MUC12: variants seen among roughly 807,000 people sequenced by gnomAD.
MUC12 encodes the protein mucin 12, cell surface associated.
MUC12 carries 172 observed loss-of-function variants against 230.8 expected under a neutral mutation model. The ratio of observed to expected loss-of-function variants is 0.75; its 90% CI spans 0.66 to 0.85. The LOEUF is 0.85. Among genes scored for constraint, MUC12 ranks in the 40% least tolerant of loss-of-function variants. The probability of loss-of-function intolerance (pLI) is 0.00; values close to 1 mark genes in which losing one functional copy is unlikely to be tolerated. For synonymous variants in MUC12, 1,259 were observed against 2,401.9 expected, an observed-to-expected ratio of 0.52 and a Z score of 13.91; for missense variants, 3,506 against 5,920.6, an observed-to-expected ratio of 0.59 and a Z score of 13.38.
chr7:100,970,589 A>T (rs1394645702), intron 1 of MUC12, among the ~76,000 whole-genome samples: 1 of 152,054 alleles, frequency 6.6e-6, no homozygotes, highest in Non-Finnish European at 1.5e-5. Flanking sequence ...AAAAGAAAAA[A>T]TGGCTGCCAG....
chr7:100,978,384 G>T (rs1793062293), intron 1 of MUC12, among the ~76,000 whole-genome samples: 1 of 152,140 alleles, frequency 6.6e-6, no homozygotes, highest in Non-Finnish European at 1.5e-5. Context: ...TAGAACTGGG[G>T]GACCCCAGCT....
chr7:100,989,251 G>A (rs1315388507), intron 1 of MUC12, among the ~76,000 whole-genome samples: 1 of 151,880 alleles, frequency 6.6e-6, no homozygotes, highest in African/African-American at 2.4e-5. Context: ...TGGGATTACA[G>A]GTGCCTGCCA....
intron 1 of MUC12, among the ~76,000 whole-genome samples, chr7:100,979,746 A>G (rs1319812048): frequency 6.6e-6 from 1 of 152,116 alleles, no homozygotes; most frequent in African/African-American, 2.4e-5. Flanking sequence ...ACTGCGCTCC[A>G]GCCTGGGTAA....
Position 100,969,588 on chromosome 7 carries a change from A to C in MUC12, c.-35A>C. 6.5e-7 allele frequency: 1 copy of C among 1,536,448 alleles called. No homozygotes were observed. The highest frequency in any genetic ancestry group is 8.7e-7 in the Non-Finnish European group (1 of 1,146,104). ...TCATTTCTTGGTCCCTCCTGATGAGAGAAGATGGGCAGCCAGGGGCCCGTT... is the reference window on the plus strand; with the variant it reads ...TCATTTCTTGGTCCCTCCTGATGAGCGAAGATGGGCAGCCAGGGGCCCGTT... On this transcript the variant is annotated 5_prime_UTR_variant, in exon 1 of 12. Coordinates refer to ENST00000536621, the MANE Select transcript of MUC12 (RefSeq NM_001164462.2).
At chr7:101,012,000 C>T (rs1009656604) in intron 5 of MUC12, among the ~76,000 whole-genome samples, 7 of 152,196 alleles carry the variant, frequency 4.6e-5, no homozygotes, top group African/African-American at 1.2e-4. Flanking sequence ...TTTACTTTCG[C>T]ATCAACAGGA....
At chr7:101,015,335 G>A (rs1008987195) in intron 9 of MUC12, 2 of 444,108 alleles carry the variant, frequency 4.5e-6, no homozygotes, top group African/African-American at 2.0e-5. Context: ...CTGACCCGAA[G>A]TCAGCAACTG....
intron 9 of MUC12, chr7:101,015,411 G>A: frequency 1.7e-6 from 1 of 578,138 alleles, no homozygotes; most frequent in South Asian, 2.0e-5. Flanking sequence ...GGGAGTGAGG[G>A]GCAGCCAGGA....
rs1317796448 is a variant in MUC12 at position 101,001,261 on chromosome 7, C to A, written c.10698C>A (p.Thr3566=). The change falls in exon 2 of 12, where the codon ACC becomes ACA. Residue 3566 remains threonine, a synonymous_variant. Transcript: ENST00000536621. ...STDTALSPGS[T]TALSFGQEST... is the part of the protein sequence containing the mutation. Reference sequence around the variant, plus strand: ...ACACAGCACTGTCCCCTGGCAGTACCACAGCCTTATCCTTTGGTCAAGAAT... The same window carrying A: ...ACACAGCACTGTCCCCTGGCAGTACAACAGCCTTATCCTTTGGTCAAGAAT... 1 of 1,524,684 alleles carries A rather than the reference C, an allele frequency of 6.6e-7. No homozygotes were observed. The highest frequency in any genetic ancestry group is 1.4e-5 in the African/African-American group (1 of 72,708). 94.4% of individuals were successfully genotyped at this position (1,524,684 alleles called of 1,614,324 possible).
intron 1 of MUC12, among the ~76,000 whole-genome samples, chr7:100,976,153 C>T (rs1466910372): frequency 1.6e-5 from 1 of 61,580 alleles, no homozygotes; most frequent in Non-Finnish European, 3.5e-5. Flanking sequence ...TGGTGTGTCT[C>T]TGTAGTCCCA....
Position 100,987,211 on chromosome 7 carries a change from C to T in MUC12, c.68-3420C>T, listed in dbSNP as rs144434493. On this transcript the variant is annotated intron_variant, in intron 1 of 11. Coordinates refer to ENST00000536621, the MANE Select transcript of MUC12 (RefSeq NM_001164462.2). ...CCTCCCAAGTAGCTGGGATTACAGG[C>T]GCATGCTACCATGCCTGGCTAATTT... Among the ~76,000 whole-genome samples the T allele has an allele frequency of 3.2e-3, 487 of 151,978 alleles. 1 individual carries two copies. The highest frequency in any genetic ancestry group is 0.011 in the African/African-American group (456 of 41,432).
At chr7:100,978,507 C>G (rs1489970673) in intron 1 of MUC12, among the ~76,000 whole-genome samples, 1 of 152,164 alleles carries the variant, frequency 6.6e-6, no homozygotes. Flanking sequence ...GAGAGGTTCG[C>G]TGGATTGCAC....
At chr7:101,007,157 C>T (rs1206897407) in intron 3 of MUC12, among the ~76,000 whole-genome samples, 3 of 152,106 alleles carry the variant, frequency 2.0e-5, no homozygotes, top group South Asian at 2.1e-4. Flanking sequence ...CGGAGTTTCA[C>T]CATATTGGCC....
At chr7:100,989,918 C>T (rs113949306) in intron 1 of MUC12, among the ~76,000 whole-genome samples, 158 of 152,244 alleles carry the variant, frequency 1.0e-3, no homozygotes, top group Non-Finnish European at 2.0e-3. Context: ...GTCTCAAACT[C>T]CTGATCTCAA....
chr7:101,012,731 A>G lies in MUC12; in HGVS notation c.15404-88A>G. The stretch of plus-strand genomic sequence containing the variant: ...CACGGGCATTGGCCCAGGGGAGGGC[A>G]TGGTATAGAAGAGAGAGGCCTGGCT... On this transcript the variant is annotated intron_variant, in intron 6 of 11. Coordinates refer to ENST00000536621, the MANE Select transcript of MUC12 (RefSeq NM_001164462.2). 2.1e-6 allele frequency: 3 copies of G among 1,399,084 alleles called. 1 individual carries two copies. In the South Asian group the frequency reaches 3.7e-5, roughly 17 times the overall value. 86.7% of individuals were successfully genotyped at this position (1,399,084 alleles called of 1,614,324 possible). A position where few individuals can be genotyped will look rare whatever the true frequency, so the allele number is the denominator to read the frequency against.
chr7:100,992,425 C>T lies in MUC12; in HGVS notation c.1862C>T (p.Pro621Leu), dbSNP rs745346159. Residue 621 changes from proline (P) to leucine (L), a missense_variant, in exon 2 of 12, where the codon CCT (proline) becomes CTT (leucine). By Grantham distance (98) the Pro-to-Leu change is moderately conservative (BLOSUM62 -3). Transcript: ENST00000536621. ...STRSPHTTLS[P>L]AGSTTRQGES... Reference sequence around the variant, plus strand: ...AGATCGCCACACACAACACTGTCCCCTGCCGGCTCTACAACCCGTCAGGGA... The same window carrying T: ...AGATCGCCACACACAACACTGTCCCTTGCCGGCTCTACAACCCGTCAGGGA... 3 of 1,537,988 alleles carry T rather than the reference C, an allele frequency of 2.0e-6. No individual in the cohort carries two copies. The highest frequency in any genetic ancestry group is 3.3e-4 in the Middle Eastern group (2 of 5,996).
In MUC12 at chr7:100,995,438, A is replaced by G. The variant is rs573142089; in HGVS notation, c.4875A>G (p.Ala1625=). Residue 1625 remains alanine, a synonymous_variant, in exon 2 of 12, where the codon GCA becomes GCG. Transcript: ENST00000536621. ...CATTGTCCCCTGGCAGTACCACAGC[A>G]TCATCCCTTGGTCCAGAATCTACTA... The part of the protein sequence containing the change: ...DTTLSPGSTT[A]SSLGPESTTF... The G allele has an allele frequency of 9.4e-4, 1,444 of 1,533,356 alleles. 35 individuals carry two copies. The South Asian group carries it at 0.016, about 17-fold the overall frequency. The allele number at this position is 1,533,356 out of a possible 1,614,324, so 95.0% of individuals were successfully genotyped here. A position where few individuals can be genotyped will look rare whatever the true frequency, so the allele number is the denominator to read the frequency against.
intron 1 of MUC12, among the ~76,000 whole-genome samples, chr7:100,985,711 G>A (rs1793176889): frequency 6.6e-6 from 1 of 152,194 alleles, no homozygotes; most frequent in African/African-American, 2.4e-5. Context: ...CAGAAAGGCA[G>A]GGTGGCTGAG....
At position 101,017,430 on chromosome 7, in the gene MUC12, G is replaced by T. The variant is rs184367396; in HGVS notation, c.15878-145G>T. 5.2e-4 allele frequency: 313 copies of T among 605,950 alleles called. No individual in the cohort carries two copies. In the African/African-American group the frequency reaches 5.3e-3, roughly 10 times the overall value. The allele number at this position is 605,950 out of a possible 1,614,324, so 37.5% of individuals were successfully genotyped here. ...CTGCACTTACCCGCAGCCCAGTGATGCAGGGTCGGAGGGGTGGTCGGCAGT... is the reference window on the plus strand; with the variant it reads ...CTGCACTTACCCGCAGCCCAGTGATTCAGGGTCGGAGGGGTGGTCGGCAGT... On this transcript the variant is annotated intron_variant, in intron 10 of 11. Coordinates refer to ENST00000536621, the MANE Select transcript of MUC12 (RefSeq NM_001164462.2).
Position 100,991,684 on chromosome 7 carries a change from C to T in MUC12, c.1121C>T (p.Pro374Leu), listed in dbSNP as rs541344353. 1.3e-6 allele frequency: 2 copies of T among 1,537,746 alleles called. No individual in the cohort carries two copies. Among genetic ancestry groups the T allele is most frequent in the Admixed American group, 3.9e-5 (2 of 51,000 alleles). Residue 374 changes from proline (P) to leucine (L), a missense_variant, in exon 2 of 12, where the codon CCT (proline) becomes CTT (leucine). Physicochemically the swap from Pro to Leu is moderately conservative, Grantham distance 98. Coordinates refer to ENST00000536621, the MANE Select transcript of MUC12 (RefSeq NM_001164462.2). ...GGCTCAACTCAAACAATGCACTTCCCTGAAAGCTCCACAACTTCAGGCCAT... is the reference window on the plus strand; with the variant it reads ...GGCTCAACTCAAACAATGCACTTCCTTGAAAGCTCCACAACTTCAGGCCAT... ...SPGSTQTMHF[P>L]ESSTTSGHSE...
Sources: allele counts gnomAD v4.1 joint callset (sites outside exome capture counted in the v4.1 genomes callset), GRCh38; gene constraint gnomAD v4.1.1; transcripts MANE v1.5; gene names NCBI Gene and HGNC (gene_info 2026-07-23, HGNC 2026-07-21).